The following DZIP3 variants were observed in gnomAD, a reference collection of about 807,000 sequenced individuals.
DZIP3 encodes the protein DAZ interacting zinc finger protein 3, also known as E3 ubiquitin-protein ligase DZIP3.
Under a neutral mutation model 162.0 loss-of-function variants are expected in DZIP3, and 118 were observed. The ratio of observed to expected loss-of-function variants is 0.73; its 90% CI spans 0.63 to 0.85. The LOEUF is 0.85. DZIP3 is among the 40% of genes least tolerant of loss of function. The probability of loss-of-function intolerance (pLI) is 0.00; values close to 1 mark genes in which losing one functional copy is unlikely to be tolerated. For synonymous variants in DZIP3, 438 were observed against 458.6 expected, an observed-to-expected ratio of 0.96 and a Z score of 0.57; for missense variants, 1,331 against 1,407.0, an observed-to-expected ratio of 0.95 and a Z score of 0.86.
At chr3:108,647,817 GA>G (rs1942696555) in intron 15 of DZIP3, 125 bp from the exon 16 acceptor site, 6 of 726,670 alleles carry the variant, frequency 8.3e-6, no homozygotes, top group Non-Finnish European at 1.3e-5. Flanking sequence ...TCGAGTAATT[GA>G]AAAGAGTAAG....
chr3:108,679,111 A>G (rs7636263), intron 26 of DZIP3, among the ~76,000 whole-genome samples: 23,043 of 152,038 alleles, frequency 0.15, 2,166 homozygotes, highest in Non-Finnish European at 0.22. Flanking sequence ...AGTAACACAT[A>G]TTTTTTTGTG....
At chr3:108,639,862 A>T (rs1330526977) in intron 12 of DZIP3, among the ~76,000 whole-genome samples, 1 of 151,314 alleles carries the variant, frequency 6.6e-6, no homozygotes, top group Admixed American at 6.6e-5. Context: ...TTAAGGTGAA[A>T]GTTTTGATCA....
intron 32 of DZIP3, among the ~76,000 whole-genome samples, chr3:108,692,863 AT>A (rs1282080705): frequency 6.7e-6 from 1 of 149,546 alleles, no homozygotes; most frequent in Non-Finnish European, 1.5e-5. Flanking sequence ...TATGTAATAA[AT>A]TTTATTATAT....
intron 14 of DZIP3, 61 bp from the exon 15 acceptor site, chr3:108,646,556 C>G (rs1942628842): frequency 8.5e-7 from 1 of 1,176,152 alleles, no homozygotes; most frequent in Non-Finnish European, 1.3e-6. Flanking sequence ...TTAATCCTAG[C>G]CAGACATTCA....
Position 108,611,271 on chromosome 3 carries a change from G to A in DZIP3, c.200G>A (p.Gly67Asp). 1.2e-6 allele frequency: 2 copies of A among 1,612,724 alleles called. No homozygotes were observed. ...LLNAINTLPK[G>D]VVPHIKKFLQ... is the part of the protein sequence containing the mutation. ...AATGCAATTAATACTCTACCAAAAG[G>A]TGTGGTTCCTCACATTAAGAAGTTC... Residue 67 changes from glycine to aspartate, a missense_variant, in exon 4 of 33, where the codon GGT (glycine) becomes GAT (aspartate). Physicochemically the swap from Gly to Asp is moderately conservative, Grantham distance 94. Coordinates refer to ENST00000361582, the MANE Select transcript of DZIP3 (RefSeq NM_014648.4).
intron 5 of DZIP3, among the ~76,000 whole-genome samples, chr3:108,623,701 A>T (rs1941470898): frequency 6.6e-6 from 1 of 152,168 alleles, no homozygotes; most frequent in African/African-American, 2.4e-5. Context: ...CCAGCACAGC[A>T]CCAGGACATG....
chr3:108,639,398 T>C lies in DZIP3; in HGVS notation c.1064+1850T>C, dbSNP rs145234760. Among the ~76,000 whole-genome samples, 496 of 152,366 alleles carry C rather than the reference T, an allele frequency of 3.3e-3. 3 individuals carry two copies. Among genetic ancestry groups the C allele is most frequent in the African/African-American group, 0.012 (482 of 41,588 alleles). On this transcript the variant is annotated intron_variant, in intron 12 of 32. Transcript: ENST00000361582. ...CACTAATTTGGCTAGATATGAACTT[T>C]GAACACTTTCTTGGGTGGTGGATCC...
At chr3:108,623,187 C>T (rs974460684) in intron 5 of DZIP3, among the ~76,000 whole-genome samples, 3 of 151,992 alleles carry the variant, frequency 2.0e-5, no homozygotes, top group Non-Finnish European at 4.4e-5. Context: ...GATACTCAAG[C>T]TGCAAGACAA....
In DZIP3 at chr3:108,654,315, G is replaced by C; in HGVS notation, c.2199+5G>C. On this transcript the variant is annotated splice_donor_5th_base_variant and intron_variant, in intron 19 of 32. Transcript: ENST00000361582. ...ATTCTGGACATGATAGAGCAGGTAA[G>C]CATGATTAGAGAGGGTGCCTGCCTT... is the stretch of plus-strand genomic sequence containing the variant. The C allele has an allele frequency of 6.2e-7, 1 of 1,613,436 alleles. No homozygotes were observed. The highest frequency in any genetic ancestry group is 8.5e-7 in the Non-Finnish European group (1 of 1,179,526).
Position 108,616,567 on chromosome 3 carries a change from T to C in DZIP3, c.285T>C (p.Asn95=), listed in dbSNP as rs755188825. 3 of 1,610,540 alleles carry C rather than the reference T, an allele frequency of 1.9e-6. No homozygotes were observed. In the Admixed American group the frequency reaches 5.0e-5, roughly 27 times the overall value. ...MQREVAANSQ[N]GEEIVPALTL... is the part of the protein sequence containing the mutation. ...GAGAAGTTGCAGCTAACAGCCAGAA[T>C]GGTGAGGAAATTGTTCCTGCTTTGA... The change falls in exon 5 of 33, where the codon AAT becomes AAC. Residue 95 remains asparagine, a synonymous_variant. Transcript: ENST00000361582.
At position 108,642,463 on chromosome 3, in the gene DZIP3, A is replaced by T; in HGVS notation, c.1090A>T (p.Ile364Leu). 1 of 1,487,724 alleles carries T rather than the reference A, an allele frequency of 6.7e-7. No homozygotes were observed. Among genetic ancestry groups the T allele is most frequent in the South Asian group, 1.2e-5 (1 of 81,264 alleles). The allele number at this position is 1,487,724 out of a possible 1,614,324, so 92.2% of individuals were successfully genotyped here. The change falls in exon 13 of 33, where the codon ATA becomes TTA. Residue 364 changes from isoleucine to leucine, a missense_variant. Transcript: ENST00000361582. The part of the protein sequence containing the change: ...ASYRKLISLK[I>L]TDTDIRPKIS... ...TTATAGAAAGTTGATATCTCTGAAA[A>T]TAACTGATACTGATATAAGACCGAA...
intron 19 of DZIP3, among the ~76,000 whole-genome samples, chr3:108,655,555 C>T (rs143422761): frequency 8.9e-4 from 136 of 152,182 alleles, no homozygotes; most frequent in African/African-American, 3.1e-3. Context: ...CTCCAGTCTA[C>T]AGCTCCCACC....
chr3:108,672,815 T>G (rs1465004307), intron 23 of DZIP3, among the ~76,000 whole-genome samples, 159 bp downstream of exon 23: 1 of 151,986 alleles, frequency 6.6e-6, no homozygotes, highest in Non-Finnish European at 1.5e-5. Context: ...TGTGCTTTTT[T>G]GACTCATTGG....
At chr3:108,674,235 T>C in intron 24 of DZIP3, 54 bp downstream of exon 24, 1 of 1,423,606 alleles carries the variant, frequency 7.0e-7, no homozygotes, top group Non-Finnish European at 9.9e-7. Context: ...TTAGCAAGTG[T>C]CTCCACGGTT....
chr3:108,656,923 G>C (rs1329197403), intron 19 of DZIP3, among the ~76,000 whole-genome samples: 2 of 152,148 alleles, frequency 1.3e-5, no homozygotes, highest in African/African-American at 4.8e-5. Context: ...AATGAAGTGA[G>C]AAGTTTAGAG....
At chr3:108,624,723 C>T (rs768928695) in intron 6 of DZIP3, among the ~76,000 whole-genome samples, 199 bp downstream of exon 6, 1 of 151,994 alleles carries the variant, frequency 6.6e-6, no homozygotes, top group Non-Finnish European at 1.5e-5. Context: ...TTACATAATA[C>T]ATTTTAATCC....
At chr3:108,610,837 A>T (rs1381762524) in intron 3 of DZIP3, among the ~76,000 whole-genome samples, 1 of 152,234 alleles carries the variant, frequency 6.6e-6, no homozygotes, top group Non-Finnish European at 1.5e-5. Flanking sequence ...ATGTTGAGTC[A>T]TTCTACTTTA....
At chr3:108,633,645 ATC>A (rs954267319) in intron 9 of DZIP3, among the ~76,000 whole-genome samples, 1 of 147,630 alleles carries the variant, frequency 6.8e-6, no homozygotes, top group Non-Finnish European at 1.5e-5. Flanking sequence ...CTTCTGATAG[ATC>A]TCTCTCTCTG....
intron 8 of DZIP3, 140 bp downstream of exon 8, chr3:108,629,316 C>A: frequency 3.6e-6 from 2 of 554,308 alleles, no homozygotes; most frequent in Non-Finnish European, 6.3e-6. Flanking sequence ...TTACCTAGTG[C>A]AGAACGTATG....
Sources: gnomAD v4.1 joint callset for allele counts (sites outside exome capture counted in the v4.1 genomes callset) on GRCh38, gnomAD v4.1.1 for gene constraint, MANE v1.5 for transcripts, NCBI Gene and HGNC (gene_info 2026-07-23, HGNC 2026-07-21) for gene names.